MTUS1: variants seen among roughly 807,000 people sequenced by gnomAD.
The protein encoded by MTUS1 is microtubule-associated tumor suppressor 1.
MTUS1 carries 109 observed loss-of-function variants against 120.8 expected under a neutral mutation model. That is an observed-to-expected ratio of 0.90 (90% CI 0.77 to 1.06). MTUS1 has a LOEUF of 1.06. Among genes scored for constraint, MTUS1 ranks in the 50% least tolerant of loss-of-function variants. The pLI, the probability that MTUS1 is intolerant of heterozygous loss-of-function variation, is 0.00. For synonymous variants in MTUS1, 737 were observed against 550.5 expected (o/e 1.34, Z -4.74); for missense variants, 2,210 against 1,486.3 (o/e 1.49, Z -8.01).
At chr8:17,789,017 T>G (rs2051540534) in intron 1 of MTUS1, among the ~76,000 whole-genome samples, 1 of 151,760 alleles carries the variant, frequency 6.6e-6, no homozygotes, top group South Asian at 2.1e-4. Flanking sequence ...ATGTACAGAC[T>G]GTGCATGCTT....
At chr8:17,730,560 C>A (rs1357958620) in intron 3 of MTUS1, among the ~76,000 whole-genome samples, 3 of 150,208 alleles carry the variant, frequency 2.0e-5, no homozygotes, top group Admixed American at 6.6e-5. Context: ...GCATTATTCA[C>A]AATAGCCAAA....
chr8:17,754,743 T>C lies in MTUS1; in HGVS notation c.1065A>G (p.Pro355=). 1 of 1,614,264 alleles carries C rather than the reference T, an allele frequency of 6.2e-7. No homozygotes were observed. Among genetic ancestry groups the C allele is most frequent in the Non-Finnish European group, 8.5e-7 (1 of 1,180,054 alleles). Residue 355 remains proline, a synonymous_variant, in exon 2 of 15, where the codon CCA becomes CCG. Transcript: ENST00000693296. ...CTTGAGCTTCGCTCTTATCAAAAGC[T>C]GGCACCATTAAAGGGCATTCATCAT... ...LIDDECPLMV[P]AFDKSEAQVL...
At chr8:17,734,285 A>C (rs1469419318) in intron 3 of MTUS1, 1 of 152,240 alleles carries the variant, frequency 6.6e-6, no homozygotes, top group Non-Finnish European at 1.5e-5. Flanking sequence ...ATATGTTGCA[A>C]ATAGTGATTT....
chr8:17,754,722 A>G lies in MTUS1; in HGVS notation c.1086T>C (p.Ala362=). The G allele has an allele frequency of 6.2e-7, 1 of 1,614,158 alleles. No individual in the cohort carries two copies. Among genetic ancestry groups the G allele is most frequent in the Non-Finnish European group, 8.5e-7 (1 of 1,180,034 alleles). ...LMVPAFDKSE[A]QVLNPEHKVT... The stretch of plus-strand genomic sequence containing the variant: ...CTTTATGCTCTGGGTTCAGCACTTG[A>G]GCTTCGCTCTTATCAAAAGCTGGCA... Residue 362 remains alanine (A), a synonymous_variant, in exon 2 of 15, where the codon GCT becomes GCC. Transcript: ENST00000693296.
intron 6 of MTUS1, among the ~76,000 whole-genome samples, chr8:17,708,305 T>G (rs1820563225): frequency 6.6e-6 from 1 of 152,216 alleles, no homozygotes; most frequent in Non-Finnish European, 1.5e-5. Context: ...GAATAGACAC[T>G]TCTCCAAAGA....
rs781745224 is a variant in MTUS1, at chr8:17,654,545, A to G, written c.3214+16T>C. ...CAGATTTTATTCTGTTTAAAGAGGA[A>G]AAAAAGCATCCTTGCCTGAAAGGGA... is the stretch of plus-strand genomic sequence containing the variant. On this transcript the variant is annotated intron_variant, in intron 10 of 14. Coordinates refer to ENST00000693296, the MANE Select transcript of MTUS1 (RefSeq NM_001363059.2). 4 of 1,528,820 alleles carry G rather than the reference A, an allele frequency of 2.6e-6. No individual in the cohort carries two copies. In the East Asian group the frequency reaches 9.0e-5, roughly 34 times the overall value. The allele number at this position is 1,528,820 out of a possible 1,614,324, so 94.7% of individuals were successfully genotyped here. A position where few individuals can be genotyped will look rare whatever the true frequency, so the allele number is the denominator to read the frequency against.
chr8:17,648,829 C>A (rs1267739992), intron 13 of MTUS1, among the ~76,000 whole-genome samples: 1 of 152,192 alleles, frequency 6.6e-6, no homozygotes, highest in African/African-American at 2.4e-5. Context: ...GAGAAGAGGC[C>A]AGTAGCATGC....
chr8:17,660,632 A>G (rs372957165), intron 8 of MTUS1, among the ~76,000 whole-genome samples: 2 of 152,320 alleles, frequency 1.3e-5, no homozygotes, highest in African/African-American at 4.8e-5. Flanking sequence ...TGGTTGAACC[A>G]TTCTACATTC....
intron 3 of MTUS1, among the ~76,000 whole-genome samples, chr8:17,737,045 C>G (rs539247715): frequency 6.6e-6 from 1 of 152,316 alleles, no homozygotes; most frequent in Non-Finnish European, 1.5e-5. Flanking sequence ...CAGCCTTCCC[C>G]ACATTCTCCT....
At chr8:17,768,823 A>G (rs2049779839) in intron 1 of MTUS1, among the ~76,000 whole-genome samples, 1 of 152,212 alleles carries the variant, frequency 6.6e-6, no homozygotes, top group Non-Finnish European at 1.5e-5. Context: ...TGATATCAAC[A>G]CACCAGAAAA....
intron 8 of MTUS1, among the ~76,000 whole-genome samples, chr8:17,662,235 A>G (rs1809894957): frequency 6.6e-6 from 1 of 152,156 alleles, no homozygotes; most frequent in South Asian, 2.1e-4. Context: ...ACACCCCACA[A>G]AGCCAAAACC....
chr8:17,713,195 C>T lies in MTUS1; in HGVS notation c.2623+19G>A, dbSNP rs1424444537. 6.3e-7 allele frequency: 1 copy of T among 1,581,602 alleles called. No homozygotes were observed. The highest frequency in any genetic ancestry group is 8.7e-7 in the Non-Finnish European group (1 of 1,154,986). Reference sequence around the variant, plus strand: ...ACAAAAAGATTCTTTTTATCGCCATCCATAAAGTGGTCACTCACCTGCATT... The same window carrying T: ...ACAAAAAGATTCTTTTTATCGCCATTCATAAAGTGGTCACTCACCTGCATT... On this transcript the variant is annotated intron_variant, in intron 6 of 14. Transcript: ENST00000693296.
chr8:17,721,953 C>A, intron 4 of MTUS1: 1 of 1,551,562 alleles, frequency 6.4e-7, no homozygotes, highest in South Asian at 1.3e-5. Flanking sequence ...CATGTTCACT[C>A]TCATATCCCT....
chr8:17,742,291 G>GTTTTTTTT (rs1237059839), intron 3 of MTUS1, among the ~76,000 whole-genome samples: 2 of 94,696 alleles, frequency 2.1e-5, no homozygotes, highest in African/African-American at 8.6e-5. Context: ...TGTTGTTGTT[G>GTTTTTTTT]TTTTTTTTTT....
intron 1 of MTUS1, among the ~76,000 whole-genome samples, chr8:17,771,688 A>T (rs1435336989): frequency 1.3e-5 from 2 of 152,226 alleles, no homozygotes; most frequent in African/African-American, 4.8e-5. Context: ...AAACCCTATG[A>T]TAGATTCTCT....
intron 8 of MTUS1, among the ~76,000 whole-genome samples, chr8:17,662,491 G>A (rs1390630743): frequency 1.3e-5 from 2 of 151,578 alleles, no homozygotes; most frequent in Non-Finnish European, 1.5e-5. Flanking sequence ...GAGTAGCTGG[G>A]ACTACAGGTG....
At chr8:17,744,092 G>C (rs1270589002) in intron 2 of MTUS1, among the ~76,000 whole-genome samples, 1 of 152,098 alleles carries the variant, frequency 6.6e-6, no homozygotes, top group Non-Finnish European at 1.5e-5. Flanking sequence ...TCACATGACA[G>C]ACAGCAAGCC....
chr8:17,710,181 A>G (rs181770872), intron 6 of MTUS1, among the ~76,000 whole-genome samples: 5 of 152,246 alleles, frequency 3.3e-5, no homozygotes, highest in South Asian at 2.1e-4. Flanking sequence ...GGCTGTGGCA[A>G]TTTAAAGTAA....
intron 6 of MTUS1, among the ~76,000 whole-genome samples, chr8:17,705,029 G>A (rs1043635409): frequency 6.6e-6 from 1 of 152,080 alleles, no homozygotes; most frequent in African/African-American, 2.4e-5. Context: ...TGTCACCCAG[G>A]CTGGAGTGCG....
Sources: gnomAD v4.1 joint callset for allele counts (sites outside exome capture counted in the v4.1 genomes callset) on GRCh38, gnomAD v4.1.1 for gene constraint, MANE v1.5 for transcripts, NCBI Gene and HGNC (gene_info 2026-07-23, HGNC 2026-07-21) for gene names.